Variants in DHX9 observed in about 807,000 individuals in gnomAD.
The protein encoded by DHX9 is ATP-dependent RNA helicase A.
DHX9 carries 27 observed loss-of-function variants against 148.7 expected under a neutral mutation model. The observed-to-expected ratio is 0.18, with a 90% confidence interval of 0.13 to 0.25. The LOEUF (loss-of-function observed/expected upper bound fraction) is 0.25, where lower values mean the gene tolerates loss of function less well. DHX9 is among the 10% of genes least tolerant of loss of function. The pLI is 1.00. For missense variants in DHX9, 796 were observed against 1,559.6 expected, an observed-to-expected ratio of 0.51 and a Z score of 8.25; for synonymous variants, 529 against 516.6, an observed-to-expected ratio of 1.02 and a Z score of -0.33.
At chr1:182,859,282 T>C (rs1668312149) in intron 11 of DHX9, among the ~76,000 whole-genome samples, 165 bp downstream of exon 11, 1 of 152,246 alleles carries the variant, frequency 6.6e-6, no homozygotes, top group African/African-American at 2.4e-5. Flanking sequence ...TGCTATGAGT[T>C]GAGGGCCTGT....
At chr1:182,864,160 T>C (rs1336031149) in intron 12 of DHX9, among the ~76,000 whole-genome samples, 1 of 152,188 alleles carries the variant, frequency 6.6e-6, no homozygotes, top group Non-Finnish European at 1.5e-5. Flanking sequence ...CCATCATTGC[T>C]CACTGCAACC....
intron 4 of DHX9, among the ~76,000 whole-genome samples, chr1:182,853,045 G>C (rs1668184083): frequency 7.8e-6 from 1 of 128,090 alleles, no homozygotes; most frequent in Non-Finnish European, 1.6e-5. Flanking sequence ...TCTCACCTCA[G>C]CCTCTCTAGT....
chr1:182,851,213 A>G (rs1258575068), intron 3 of DHX9, among the ~76,000 whole-genome samples: 2 of 152,218 alleles, frequency 1.3e-5, no homozygotes, highest in African/African-American at 2.4e-5. Flanking sequence ...ACAATGTACT[A>G]ATAACACAAC....
intron 6 of DHX9, 77 bp from the exon 7 acceptor site, chr1:182,856,455 C>T (rs1668252359): frequency 1.5e-6 from 2 of 1,297,246 alleles, no homozygotes; most frequent in South Asian, 1.2e-5. Flanking sequence ...GTTGGAAAGC[C>T]TGCCTGACTT....
In DHX9 at chr1:182,852,268, C is replaced by T; in HGVS notation, c.288C>T (p.Asp96=). ...CGCCCCCACTTACTGATACTCCTGACACTACAGCAAATGCTGAAGGAGATT... is the reference window on the plus strand; with the variant it reads ...CGCCCCCACTTACTGATACTCCTGATACTACAGCAAATGCTGAAGGAGATT... The part of the protein sequence containing the change: ...ASPPPLTDTP[D]TTANAEGDLP... The change falls in exon 4 of 28, where the codon GAC becomes GAT. Residue 96 remains aspartate, a synonymous_variant. Transcript: ENST00000367549. 1 of 1,613,068 alleles carries T rather than the reference C, an allele frequency of 6.2e-7. No individual in the cohort carries two copies. Among genetic ancestry groups the T allele is most frequent in the Non-Finnish European group, 8.5e-7 (1 of 1,179,590 alleles).
intron 3 of DHX9, among the ~76,000 whole-genome samples, chr1:182,849,192 A>T (rs962815360): frequency 3.3e-5 from 5 of 151,686 alleles, no homozygotes; most frequent in African/African-American, 4.9e-5. Flanking sequence ...AAAAGTGAGC[A>T]TGTAGAGGAT....
At chr1:182,879,506 G>A in intron 21 of DHX9, 96 bp downstream of exon 21, 2 of 1,202,626 alleles carry the variant, frequency 1.7e-6, no homozygotes, top group Non-Finnish European at 2.2e-6. Flanking sequence ...AGATGATGAA[G>A]ATGTAGTCAA....
intron 12 of DHX9, among the ~76,000 whole-genome samples, chr1:182,864,309 C>T (rs75045843): frequency 4.1e-4 from 62 of 152,272 alleles, no homozygotes; most frequent in African/African-American, 1.4e-3. Context: ...GTCTTGAACT[C>T]GTTGCCTCCA....
At chr1:182,860,447 G>T (rs1668340486) in intron 12 of DHX9, 1 of 242,692 alleles carries the variant, frequency 4.1e-6, no homozygotes, top group Admixed American at 5.6e-5. Context: ...TCGAGATTAA[G>T]AATTCTTTGT....
chr1:182,875,034 T>C, intron 16 of DHX9, 80 bp downstream of exon 16: 5 of 1,092,228 alleles, frequency 4.6e-6, no homozygotes, highest in Non-Finnish European at 2.8e-6. Flanking sequence ...TAACATGCAA[T>C]GTATTAGCAT....
rs550445121 is a variant in DHX9 at position 182,858,736 on chromosome 1, G to A, written c.904G>A (p.Glu302Lys). ...ELNLEILPPP[E>K]DPSVPVALNI... ...TGTTTTTCTTATTTTTTAATAGCCT[G>A]AAGATCCTTCTGTGCCAGTTGCACT... The change falls in exon 10 of 28, where the codon GAA (glutamate) becomes AAA (lysine). Residue 302 changes from glutamate to lysine, a missense_variant. Physicochemically the swap from Glu to Lys is moderately conservative, Grantham distance 56. Around this residue, in one of 14 missense-constraint regions of DHX9, gnomAD observed 63 missense variants for 78.6 expected, o/e 0.80. Coordinates refer to ENST00000367549, the MANE Select transcript of DHX9 (RefSeq NM_001357.5). 1 of 1,613,934 alleles carries A rather than the reference G, an allele frequency of 6.2e-7. No homozygotes were observed. The highest frequency in any genetic ancestry group is 1.3e-5 in the African/African-American group (1 of 75,014).
At chr1:182,886,104 G>T (rs1649311246) in intron 27 of DHX9, among the ~76,000 whole-genome samples, 2 of 152,164 alleles carry the variant, frequency 1.3e-5, no homozygotes, top group African/African-American at 4.8e-5. Context: ...ATAGGAATTG[G>T]TGATGGACTA....
chr1:182,877,950 T>C (rs752576897), intron 19 of DHX9, 71 bp from the exon 20 acceptor site: 3 of 1,544,898 alleles, frequency 1.9e-6, no homozygotes, highest in Non-Finnish European at 2.7e-6. Context: ...AAGCATTCAC[T>C]ACTTAGTGGA....
Position 182,876,083 on chromosome 1 carries a change from G to A in DHX9, c.1849G>A (p.Gly617Ser). The change falls in exon 17 of 28, where the codon GGT (glycine) becomes AGT (serine). Residue 617 changes from glycine (G) to serine (S), a missense_variant. Around this residue, in one of 14 missense-constraint regions of DHX9, gnomAD observed 133 missense variants for 223.8 expected, o/e 0.59. Transcript: ENST00000367549. ...CAACTTGATCTGTGGTGATGAATAT[G>A]GTCCAGAAACAAGGTTGAGCATGTC... ...NCNLICGDEY[G>S]PETRLSMSQL... 6.2e-7 allele frequency: 1 copy of A among 1,613,908 alleles called. No homozygotes were observed.
intron 6 of DHX9, among the ~76,000 whole-genome samples, chr1:182,855,072 G>T (rs112657698): frequency 2.0e-5 from 3 of 152,100 alleles, no homozygotes; most frequent in Non-Finnish European, 2.9e-5. Flanking sequence ...ACAAAATTTT[G>T]TCACTGATCA....
At position 182,849,607 on chromosome 1, in the gene DHX9, AC is replaced by A. The variant is rs571475297; in HGVS notation, c.253-2625del. 1.3e-3 allele frequency among the ~76,000 whole-genome samples: 196 copies of A among 152,360 alleles called. 1 individual carries two copies. Among genetic ancestry groups the A allele is most frequent in the African/African-American group, 4.6e-3 (190 of 41,588 alleles). ...ATGGTATTCAGAACAGCTTTCTGCAACAAATAATTACCTGGTTGAAATGTCA... is the reference window on the plus strand; with the variant it reads ...ATGGTATTCAGAACAGCTTTCTGCAAAAATAATTACCTGGTTGAAATGTCA... On this transcript the variant is annotated intron_variant, in intron 3 of 27. Transcript: ENST00000367549.
chr1:182,853,592 G>C (rs1487324986), intron 5 of DHX9, among the ~76,000 whole-genome samples, 174 bp downstream of exon 5: 2 of 152,136 alleles, frequency 1.3e-5, no homozygotes, highest in East Asian at 3.9e-4. Flanking sequence ...ATTTACTCTT[G>C]TTATTCACAT....
At chr1:182,846,259 T>TG (rs1181872357) in intron 3 of DHX9, among the ~76,000 whole-genome samples, 1 of 149,838 alleles carries the variant, frequency 6.7e-6, no homozygotes, top group African/African-American at 2.5e-5. Flanking sequence ...TTTTTTGAGA[T>TG]GGAGTTTCGC....
chr1:182,869,985 C>T (rs910312756), intron 14 of DHX9, among the ~76,000 whole-genome samples: 2 of 152,134 alleles, frequency 1.3e-5, no homozygotes, highest in African/African-American at 2.4e-5. Flanking sequence ...ACTTACAGAC[C>T]AATTACTACA....
Sources: gnomAD v4.1 joint callset for allele counts (sites outside exome capture counted in the v4.1 genomes callset) on GRCh38, gnomAD v4.1.1 for gene constraint, gnomAD v4.1.1 regional missense constraint, MANE v1.5 for transcripts, NCBI Gene and HGNC (gene_info 2026-07-23, HGNC 2026-07-21) for gene names.